Variants in TBXAS1 observed in about 807,000 individuals in gnomAD.
The protein encoded by TBXAS1 is thromboxane-A synthase.
In TBXAS1, 48 loss-of-function variants were observed where a neutral mutation model predicts 60.7. The observed-to-expected ratio is 0.79, with a 90% confidence interval of 0.63 to 1.01. The LOEUF is 1.01. Among genes scored for constraint, TBXAS1 ranks in the 50% least tolerant of loss-of-function variants. TBXAS1 has a pLI of 0.00. For missense variants in TBXAS1, 685 were observed against 686.3 expected, an observed-to-expected ratio of 1.00 and a Z score of 0.02; for synonymous variants, 287 against 269.7, an observed-to-expected ratio of 1.06 and a Z score of -0.63.
chr7:139,818,860 ACCC>A lies in TBXAS1; in HGVS notation c.-79-10450_-79-10448del, dbSNP rs554564920. Among the ~76,000 whole-genome samples, 1,268 of 152,008 alleles carry A rather than the reference ACCC, an allele frequency of 8.3e-3. 10 individuals are homozygous for A. Among genetic ancestry groups the A allele is most frequent in the Non-Finnish European group, 0.014 (927 of 67,972 alleles). ...GCTCCTGGTGGCACATGTAGAGCAG[ACCC>A]CTGGTAGCAACTCAGCCTCCTGGAG... On this transcript the variant is annotated intron_variant, in intron 4 of 16. Coordinates refer to the TBXAS1 transcript ENST00000336425.
At chr7:139,967,079 C>G (rs887770006) in intron 9 of TBXAS1, among the ~76,000 whole-genome samples, 2 of 152,246 alleles carry the variant, frequency 1.3e-5, no homozygotes, top group Admixed American at 6.5e-5. Flanking sequence ...GCTCCTGCCA[C>G]CAGCTCCTGC....
chr7:139,998,508 C>G (rs1020642187), intron 9 of TBXAS1, among the ~76,000 whole-genome samples: 1 of 152,118 alleles, frequency 6.6e-6, no homozygotes, highest in African/African-American at 2.4e-5. Context: ...ACTGGCCGTG[C>G]GACCTGGGAC....
chr7:139,955,338 A>T, intron 6 of TBXAS1, 121 bp from the exon 7 acceptor site: 1 of 1,298,956 alleles, frequency 7.7e-7, no homozygotes, highest in Non-Finnish European at 1.1e-6. Flanking sequence ...CCTCTTCCAG[A>T]CACATCTGCA....
intron 4 of TBXAS1, among the ~76,000 whole-genome samples, chr7:139,790,600 C>T (rs1385182091): frequency 7.8e-4 from 118 of 152,188 alleles, no homozygotes; most frequent in Non-Finnish European, 5.9e-5. Flanking sequence ...AGAAATCAAG[C>T]TTGCATTGTG....
chr7:139,921,479 G>A (rs1806464358), intron 4 of TBXAS1, among the ~76,000 whole-genome samples: 1 of 152,176 alleles, frequency 6.6e-6, no homozygotes, highest in South Asian at 2.1e-4. Flanking sequence ...CAGGAAGATT[G>A]CTTGAGCCCA....
At chr7:139,788,738 G>A (rs1191200054) in intron 4 of TBXAS1, among the ~76,000 whole-genome samples, 1 of 152,248 alleles carries the variant, frequency 6.6e-6, no homozygotes, top group Non-Finnish European at 1.5e-5. Flanking sequence ...AATGAAAAAT[G>A]CACATGGCAC....
intron 4 of TBXAS1, among the ~76,000 whole-genome samples, chr7:139,813,039 A>G (rs908629708): frequency 2.6e-5 from 4 of 151,860 alleles, no homozygotes; most frequent in South Asian, 2.1e-4. Flanking sequence ...CCTGGACAAC[A>G]GAGCAAAACT....
chr7:139,917,389 G>A (rs555261509), intron 4 of TBXAS1, among the ~76,000 whole-genome samples: 2 of 152,246 alleles, frequency 1.3e-5, no homozygotes, highest in Admixed American at 1.3e-4. Context: ...TATGGCGAAA[G>A]GTCTTTGCTG....
At chr7:139,957,243 G>C (rs1239272315) in intron 7 of TBXAS1, among the ~76,000 whole-genome samples, 2 of 152,222 alleles carry the variant, frequency 1.3e-5, no homozygotes, top group Admixed American at 6.5e-5. Context: ...TTTGTAAAAA[G>C]TAAATCAGCT....
chr7:139,843,320 C>CTTTATTTA (rs3070196), intron 1 of TBXAS1, among the ~76,000 whole-genome samples: 265 of 147,888 alleles, frequency 1.8e-3, no homozygotes, highest in Non-Finnish European at 2.2e-3. Context: ...TACTACTTTA[C>CTTTATTTA]TTTATTTATT....
intron 4 of TBXAS1, among the ~76,000 whole-genome samples, chr7:139,816,222 T>A (rs1798144370): frequency 1.3e-5 from 2 of 152,206 alleles, no homozygotes; most frequent in South Asian, 4.1e-4. Flanking sequence ...GAACTGTGAA[T>A]TAATTGAATT....
At chr7:139,854,258 C>T (rs567555576) in intron 1 of TBXAS1, among the ~76,000 whole-genome samples, 2 of 152,162 alleles carry the variant, frequency 1.3e-5, no homozygotes, top group African/African-American at 2.4e-5. Flanking sequence ...AACGGTGAAA[C>T]GACATGGCGT....
At chr7:139,785,883 T>C (rs1324091460) in intron 3 of TBXAS1, among the ~76,000 whole-genome samples, 2 of 151,762 alleles carry the variant, frequency 1.3e-5, no homozygotes, top group Non-Finnish European at 2.9e-5. Context: ...TGTCCTGAAC[T>C]CCACGTCTTC....
At chr7:139,953,255 CCAAA>C (rs1809554170) in intron 5 of TBXAS1, 109 bp from the exon 6 acceptor site, 3 of 867,998 alleles carry the variant, frequency 3.5e-6, no homozygotes, top group East Asian at 4.9e-5. Context: ...AAAATATCTT[CCAAA>C]CAGTGTTCAT....
chr7:140,011,834 T>TTC (rs1284886120), intron 10 of TBXAS1, among the ~76,000 whole-genome samples: 2 of 130,206 alleles, frequency 1.5e-5, no homozygotes, highest in Non-Finnish European at 3.2e-5. Context: ...CCATTTTATG[T>TTC]TCTATATATA....
chr7:139,969,174 G>C (rs1811010846), intron 9 of TBXAS1, among the ~76,000 whole-genome samples: 1 of 152,162 alleles, frequency 6.6e-6, no homozygotes, highest in Admixed American at 6.5e-5. Context: ...ATCACAGACT[G>C]GATTGGATTG....
At chr7:139,781,511 T>A (rs946568358) in intron 2 of TBXAS1, among the ~76,000 whole-genome samples, 1 of 152,146 alleles carries the variant, frequency 6.6e-6, no homozygotes. Flanking sequence ...CAGTGCTGCA[T>A]GCTATTGAGA....
chr7:139,881,879 C>CTAGCATGCA (rs1398913406), intron 3 of TBXAS1, among the ~76,000 whole-genome samples: 1 of 152,180 alleles, frequency 6.6e-6, no homozygotes, highest in Admixed American at 6.5e-5. Context: ...ATTTAATTAG[C>CTAGCATGCA]TAGCATGCAT....
At chr7:139,889,115 T>G (rs749374258) in intron 3 of TBXAS1, among the ~76,000 whole-genome samples, 1 of 151,938 alleles carries the variant, frequency 6.6e-6, no homozygotes, top group Non-Finnish European at 1.5e-5. Context: ...GGGAGATTGC[T>G]TGAGCCCAGG....
Sources: gnomAD v4.1 joint callset for allele counts (sites outside exome capture counted in the v4.1 genomes callset) on GRCh38, gnomAD v4.1.1 for gene constraint, MANE v1.5 for transcripts, NCBI Gene and HGNC (gene_info 2026-07-23, HGNC 2026-07-21) for gene names.